The following PLPPR1 variants were observed in gnomAD, a reference collection of about 807,000 sequenced individuals.
The protein encoded by PLPPR1 is phospholipid phosphatase-related protein type 1.
Under a neutral mutation model 33.1 loss-of-function variants are expected in PLPPR1, and 10 were observed. The observed-to-expected ratio is 0.30, with a 90% CI of 0.19 to 0.51. PLPPR1 has a LOEUF of 0.51. Ranked by LOEUF, PLPPR1 falls within the 20% of genes least tolerant of loss-of-function variation. The pLI is 0.97. For missense variants in PLPPR1, 304 were observed against 408.1 expected, an observed-to-expected ratio of 0.74 and a Z score of 2.20; for synonymous variants, 151 against 151.0, an observed-to-expected ratio of 1.00 and a Z score of 0.00.
intron 4 of PLPPR1, among the ~76,000 whole-genome samples, chr9:101,303,362 C>T (rs1828788395): frequency 6.6e-6 from 1 of 151,878 alleles, no homozygotes; most frequent in African/African-American, 2.4e-5. Flanking sequence ...AGTGCAATGG[C>T]ACAATCTCTG....
intron 1 of PLPPR1, among the ~76,000 whole-genome samples, chr9:101,074,101 G>A (rs1830510396): frequency 6.6e-6 from 1 of 152,096 alleles, no homozygotes; most frequent in Non-Finnish European, 1.5e-5. Context: ...TTTCAATTCT[G>A]AATTCAATTG....
intron 1 of PLPPR1, among the ~76,000 whole-genome samples, chr9:101,043,316 T>G (rs1442251440): frequency 6.6e-6 from 1 of 151,756 alleles, no homozygotes; most frequent in Non-Finnish European, 1.5e-5. Flanking sequence ...TATATGTGTA[T>G]ATACACACGT....
intron 4 of PLPPR1, among the ~76,000 whole-genome samples, chr9:101,301,862 T>C (rs1484788838): frequency 6.6e-6 from 1 of 152,198 alleles, no homozygotes; most frequent in Admixed American, 6.5e-5. Flanking sequence ...GAAGAATTCG[T>C]ATTCTGTTGT....
intron 4 of PLPPR1, among the ~76,000 whole-genome samples, chr9:101,291,323 G>A (rs1278566536): frequency 2.0e-5 from 3 of 152,246 alleles, no homozygotes; most frequent in East Asian, 1.9e-4. Flanking sequence ...AGCTCACAGA[G>A]GCCTGCCTGC....
intron 2 of PLPPR1, among the ~76,000 whole-genome samples, chr9:101,207,011 T>C (rs1826600379): frequency 6.6e-6 from 1 of 152,192 alleles, no homozygotes; most frequent in South Asian, 2.1e-4. Context: ...AATATAAACA[T>C]GCAATAAGTA....
chr9:101,317,506 A>G lies in PLPPR1; in HGVS notation c.945+10A>G. 6.2e-7 allele frequency: 1 copy of G among 1,609,828 alleles called. No individual in the cohort carries two copies. Among genetic ancestry groups the G allele is most frequent in the East Asian group, 2.2e-5 (1 of 44,860 alleles). The stretch of plus-strand genomic sequence containing the variant: ...AACCTTAAGTGCACAGGTATGGTAA[A>G]GCAGTTTTAGCAAACCAAACCCACA... On this transcript the variant is annotated intron_variant, in intron 7 of 7. Coordinates refer to ENST00000374874, the MANE Select transcript of PLPPR1 (RefSeq NM_207299.2).
intron 1 of PLPPR1, among the ~76,000 whole-genome samples, chr9:101,094,927 G>A (rs560827811): frequency 1.3e-5 from 2 of 152,278 alleles, no homozygotes; most frequent in South Asian, 2.1e-4. Context: ...TAGGCAGGAA[G>A]TTTCAAGGAC....
intron 1 of PLPPR1, among the ~76,000 whole-genome samples, chr9:101,169,095 A>T (rs1028227815): frequency 6.6e-6 from 1 of 152,176 alleles, no homozygotes; most frequent in East Asian, 1.9e-4. Flanking sequence ...CAATGACAAC[A>T]TATTCTTGGC....
chr9:101,219,039 A>G (rs1293965574), intron 2 of PLPPR1, among the ~76,000 whole-genome samples: 1 of 152,198 alleles, frequency 6.6e-6, no homozygotes, highest in African/African-American at 2.4e-5. Flanking sequence ...GAACAGAGGA[A>G]AGGATAGTTT....
chr9:101,270,217 T>G, intron 3 of PLPPR1, 149 bp downstream of exon 3: 2 of 779,462 alleles, frequency 2.6e-6, no homozygotes, highest in Admixed American at 5.1e-5. Context: ...TGAATGGAGC[T>G]CTGCAGAAAA....
intron 2 of PLPPR1, among the ~76,000 whole-genome samples, chr9:101,199,787 T>G (rs1371809303): frequency 6.6e-6 from 1 of 152,204 alleles, no homozygotes; most frequent in Non-Finnish European, 1.5e-5. Context: ...ACTAGCACAC[T>G]TTTTTCATAC....
At chr9:101,321,254 T>C (rs1001155006) in intron 7 of PLPPR1, among the ~76,000 whole-genome samples, 1 of 152,164 alleles carries the variant, frequency 6.6e-6, no homozygotes, top group Non-Finnish European at 1.5e-5. Context: ...GGGGAGGGCA[T>C]CAGTCACGCT....
chr9:101,283,720 A>G (rs1254324015), intron 3 of PLPPR1, among the ~76,000 whole-genome samples: 2 of 152,202 alleles, frequency 1.3e-5, no homozygotes, highest in Non-Finnish European at 2.9e-5. Context: ...GAGACAACCT[A>G]CAGAATGGGA....
At chr9:101,197,743 A>G (rs1045719717) in intron 2 of PLPPR1, among the ~76,000 whole-genome samples, 1 of 152,252 alleles carries the variant, frequency 6.6e-6, no homozygotes, top group Non-Finnish European at 1.5e-5. Context: ...AAGAAATAAA[A>G]TAACTATGTT....
At chr9:101,108,615 C>A (rs1831009568) in intron 1 of PLPPR1, among the ~76,000 whole-genome samples, 2 of 152,192 alleles carry the variant, frequency 1.3e-5, no homozygotes, top group Non-Finnish European at 2.9e-5. Context: ...CTTAAGACAG[C>A]AAAATGGATT....
Position 101,320,066 on chromosome 9 carries a change from T to C in PLPPR1, c.945+2570T>C, listed in dbSNP as rs939148275. Among the ~76,000 whole-genome samples the C allele has an allele frequency of 9.2e-5, 14 of 152,166 alleles. No individual in the cohort carries two copies. In the South Asian group the frequency reaches 2.9e-3, roughly 32 times the overall value. On this transcript the variant is annotated intron_variant, in intron 7 of 7. Coordinates refer to ENST00000374874, the MANE Select transcript of PLPPR1 (RefSeq NM_207299.2). ...TCTATTTTGAGGGATTCTACTTAAATTGAAAAATGAAGTGCTAAACAGGGT... is the reference window on the plus strand; with the variant it reads ...TCTATTTTGAGGGATTCTACTTAAACTGAAAAATGAAGTGCTAAACAGGGT...
At chr9:101,142,788 G>C (rs56006213) in intron 1 of PLPPR1, among the ~76,000 whole-genome samples, 1 of 151,980 alleles carries the variant, frequency 6.6e-6, no homozygotes, top group African/African-American at 2.4e-5. Context: ...TGATGAACAG[G>C]ACAGACAAAG....
intron 4 of PLPPR1, among the ~76,000 whole-genome samples, chr9:101,301,922 T>C (rs1005542539): frequency 6.6e-6 from 1 of 152,246 alleles, no homozygotes; most frequent in African/African-American, 2.4e-5. Flanking sequence ...TCCTTGCCTC[T>C]TCTCAGTGCT....
chr9:101,182,246 G>C (rs1462197168), intron 1 of PLPPR1, among the ~76,000 whole-genome samples: 3 of 151,610 alleles, frequency 2.0e-5, no homozygotes, highest in African/African-American at 7.3e-5. Flanking sequence ...GGAAGAGGGG[G>C]ATGGATGGAG....
Sources: gnomAD v4.1 joint callset for allele counts (sites outside exome capture counted in the v4.1 genomes callset) on GRCh38, gnomAD v4.1.1 for gene constraint, MANE v1.5 for transcripts, NCBI Gene and HGNC (gene_info 2026-07-23, HGNC 2026-07-21) for gene names.